Variants in TMEM232 observed in about 807,000 individuals in gnomAD.
TMEM232 encodes transmembrane protein 232.
A neutral mutation model predicts 78.8 loss-of-function variants in TMEM232; 80 were observed. The ratio of observed to expected loss-of-function variants is 1.01; its 90% CI spans 0.85 to 1.22. TMEM232 has a LOEUF of 1.22. Among genes scored for constraint, TMEM232 ranks in the 50% most tolerant of loss-of-function variants. The pLI is 0.00. For synonymous variants in TMEM232, 297 were observed against 254.3 expected, an observed-to-expected ratio of 1.17 and a Z score of -1.60; for missense variants, 881 against 742.2, an observed-to-expected ratio of 1.19 and a Z score of -2.17.
chr5:110,636,035 T>C (rs552564415), intron 5 of TMEM232, among the ~76,000 whole-genome samples: 4 of 152,094 alleles, frequency 2.6e-5, no homozygotes, highest in Non-Finnish European at 1.5e-5. Context: ...AATGGGTGAT[T>C]AGATAAAGAA....
At chr5:110,410,432 C>T (rs927812771) in intron 2 of TMEM232, among the ~76,000 whole-genome samples, 1 of 152,152 alleles carries the variant, frequency 6.6e-6, no homozygotes, top group African/African-American at 2.4e-5. Context: ...AATTTACTTA[C>T]ACTACACTCA....
chr5:110,444,319 T>A (rs191281018), intron 12 of TMEM232, among the ~76,000 whole-genome samples: 10 of 152,152 alleles, frequency 6.6e-5, no homozygotes, highest in African/African-American at 2.4e-4. Context: ...GGGCGCTGGC[T>A]GAGTATGACT....
chr5:110,623,914 C>A (rs762390379), intron 7 of TMEM232, among the ~76,000 whole-genome samples: 17 of 152,136 alleles, frequency 1.1e-4, no homozygotes, highest in Non-Finnish European at 2.4e-4. Flanking sequence ...AGTGACTTGT[C>A]CCACTGTAAG....
At chr5:110,669,832 C>A (rs998814255) in intron 1 of TMEM232, among the ~76,000 whole-genome samples, 20 of 152,102 alleles carry the variant, frequency 1.3e-4, no homozygotes, top group African/African-American at 4.8e-4. Flanking sequence ...TCAATATACG[C>A]AAATCAATAA....
chr5:110,537,455 C>T (rs114925471), intron 11 of TMEM232, among the ~76,000 whole-genome samples: 2,954 of 152,130 alleles, frequency 0.019, 90 homozygotes, highest in African/African-American at 0.068. Context: ...ACCTTCATGG[C>T]CCTATACCAA....
In TMEM232 at chr5:110,688,181, C is replaced by G. The variant is rs896933693; in HGVS notation, c.-12-20817G>C. On this transcript the variant is annotated intron_variant, in intron 1 of 13. Transcript: ENST00000455884. Reference sequence around the variant, plus strand: ...TAATTTATCCACAAATGAGTTCTGGCAGAAGATAAATGTAGAATTTCATTT... The same window carrying G: ...TAATTTATCCACAAATGAGTTCTGGGAGAAGATAAATGTAGAATTTCATTT... Among the ~76,000 whole-genome samples, 5 of 151,916 alleles carry G rather than the reference C, an allele frequency of 3.3e-5. 1 individual carries two copies. In the East Asian group the frequency reaches 9.7e-4, roughly 29 times the overall value.
intron 2 of TMEM232, among the ~76,000 whole-genome samples, chr5:110,661,338 G>T (rs1407716266): frequency 6.6e-6 from 1 of 152,064 alleles, no homozygotes; most frequent in East Asian, 1.9e-4. Flanking sequence ...TTGAGGTAGG[G>T]TCTTGCTCTG....
In TMEM232 at chr5:110,528,706, G is replaced by A. The variant is rs1384946620; in HGVS notation, c.1585C>T (p.Pro529Ser). The A allele has an allele frequency of 9.8e-6, 15 of 1,534,856 alleles. No homozygotes were observed. The highest frequency in any genetic ancestry group is 2.0e-5 in the Admixed American group (1 of 50,898). Residue 529 changes from proline (P) to serine (S), a missense_variant, in exon 12 of 14, where the codon CCC becomes TCC. Physicochemically the swap from Pro to Ser is moderately conservative, Grantham distance 74 (BLOSUM62 -1). Coordinates refer to ENST00000455884, the MANE Select transcript of TMEM232 (RefSeq NM_001039763.4). The stretch of plus-strand genomic sequence containing the variant: ...GGAAGAAAATGGGCCTCAATGGGGG[G>A]AAAGAATAGTTTGGAAAGAGTGTTG... ...IANTLSKLFF[P>S]PIEAHFLPLK...
chr5:110,493,286 C>A (rs566955602), intron 12 of TMEM232, among the ~76,000 whole-genome samples: 1 of 149,558 alleles, frequency 6.7e-6, no homozygotes, highest in East Asian at 2.0e-4. Flanking sequence ...AAATTTAATG[C>A]AATTTAAATC....
intron 5 of TMEM232, among the ~76,000 whole-genome samples, chr5:110,630,625 A>G (rs893723489): frequency 2.4e-4 from 37 of 152,050 alleles, no homozygotes; most frequent in African/African-American, 8.5e-4. Context: ...ACTTTCCACC[A>G]TGATTATAAG....
intron 7 of TMEM232, among the ~76,000 whole-genome samples, chr5:110,620,507 T>A (rs1783491038): frequency 6.6e-6 from 1 of 150,894 alleles, no homozygotes; most frequent in African/African-American, 2.4e-5. Context: ...AAAGTCCAAA[T>A]CCTCTAGTAG....
intron 12 of TMEM232, among the ~76,000 whole-genome samples, chr5:110,451,761 T>C (rs947309226): frequency 3.3e-5 from 5 of 152,126 alleles, no homozygotes; most frequent in African/African-American, 1.2e-4. Context: ...ACTTTTCTTG[T>C]AGCATTTATT....
chr5:110,593,338 T>G (rs1779754494), intron 10 of TMEM232, among the ~76,000 whole-genome samples: 1 of 152,168 alleles, frequency 6.6e-6, no homozygotes, highest in Non-Finnish European at 1.5e-5. Flanking sequence ...TTCGCCCAAA[T>G]TCTAGGCCAT....
At chr5:110,495,180 C>A (rs1765515612) in intron 12 of TMEM232, among the ~76,000 whole-genome samples, 2 of 151,320 alleles carry the variant, frequency 1.3e-5, no homozygotes, top group African/African-American at 4.8e-5. Flanking sequence ...TAGAAGATTG[C>A]AGCAAATAAA....
chr5:110,618,925 A>G (rs1783287926), intron 7 of TMEM232, among the ~76,000 whole-genome samples: 1 of 152,210 alleles, frequency 6.6e-6, no homozygotes, highest in Non-Finnish European at 1.5e-5. Context: ...GGAAAGTTTG[A>G]ACAAAATGCT....
At chr5:110,700,771 T>C (rs1795329423) in intron 1 of TMEM232, among the ~76,000 whole-genome samples, 2 of 126,862 alleles carry the variant, frequency 1.6e-5, no homozygotes, top group African/African-American at 6.2e-5. Context: ...GGTAGGTAGG[T>C]AGATAGATAG....
chr5:110,722,539 G>A (rs1400895390), intron 1 of TMEM232, among the ~76,000 whole-genome samples: 5 of 152,160 alleles, frequency 3.3e-5, no homozygotes, highest in Admixed American at 6.5e-5. Context: ...TCATGTGGAC[G>A]TCTCCTCAGA....
chr5:110,721,064 C>T (rs1381984368), intron 1 of TMEM232, among the ~76,000 whole-genome samples: 1 of 152,016 alleles, frequency 6.6e-6, no homozygotes, highest in East Asian at 1.9e-4. Context: ...CAATTTACTG[C>T]TTAAAAACAA....
chr5:110,697,606 AAAAC>A (rs1794948550), intron 1 of TMEM232, among the ~76,000 whole-genome samples: 1 of 152,184 alleles, frequency 6.6e-6, no homozygotes, highest in African/African-American at 2.4e-5. Context: ...TTACAAGAAA[AAAAC>A]AAACAACCCC....
Sources: allele counts gnomAD v4.1 joint callset (sites outside exome capture counted in the v4.1 genomes callset), GRCh38; gene constraint gnomAD v4.1.1; transcripts MANE v1.5; gene names NCBI Gene and HGNC (gene_info 2026-07-23, HGNC 2026-07-21).